The following OGDH variants were observed in gnomAD, a reference collection of about 807,000 sequenced individuals.
The protein encoded by OGDH is oxoglutarate dehydrogenase.
OGDH carries 38 observed loss-of-function variants against 116.6 expected under a neutral mutation model. That is an observed-to-expected ratio of 0.33 (90% CI 0.25 to 0.43). The LOEUF (loss-of-function observed/expected upper bound fraction) is 0.43. Ranked by LOEUF, OGDH falls within the 20% of genes least tolerant of loss-of-function variation. OGDH has a pLI of 1.00. For missense variants in OGDH, 825 were observed against 1,357.2 expected (o/e 0.61, Z 6.16); for synonymous variants, 488 against 533.3 (o/e 0.92, Z 1.17).
At chr7:44,627,550 G>A (rs923105782) in intron 2 of OGDH, among the ~76,000 whole-genome samples, 10 of 152,168 alleles carry the variant, frequency 6.6e-5, no homozygotes, top group African/African-American at 9.7e-5. Context: ...GTCGGATTCC[G>A]TACTTATTTT....
intron 10 of OGDH, among the ~76,000 whole-genome samples, chr7:44,685,144 T>G (rs1182059850): frequency 6.6e-6 from 1 of 152,170 alleles, no homozygotes; most frequent in Non-Finnish European, 1.5e-5. Context: ...TTAACTATTT[T>G]TAAGTGAACA....
At chr7:44,695,953 TG>T (rs1029755765) in intron 12 of OGDH, 71 bp from the exon 13 acceptor site, 16 of 820,816 alleles carry the variant, frequency 1.9e-5, no homozygotes, top group Non-Finnish European at 3.4e-5. Context: ...TCAGAAAGTG[TG>T]GGGGTACAGG....
At chr7:44,610,001 A>G (rs936352829) in intron 1 of OGDH, among the ~76,000 whole-genome samples, 1 of 152,034 alleles carries the variant, frequency 6.6e-6, no homozygotes, top group Admixed American at 6.6e-5. Context: ...TTTTTGGAAG[A>G]GATGGGATCT....
chr7:44,645,590 TG>T, intron 3 of OGDH, 72 bp downstream of exon 3: 1 of 1,425,242 alleles, frequency 7.0e-7, no homozygotes, highest in Non-Finnish European at 9.6e-7. Flanking sequence ...TGGGCCCTAT[TG>T]GCCTTTCTGA....
chr7:44,697,002 G>T lies in OGDH; in HGVS notation c.1989G>T (p.Ser663=), dbSNP rs760543141. The change falls in exon 15 of 23, where the codon TCG becomes TCT. Residue 663 remains serine, a synonymous_variant. Coordinates refer to ENST00000222673, the MANE Select transcript of OGDH (RefSeq NM_002541.4). The surrounding 1 kb of genome is among the most constrained non-coding windows in gnomAD (Gnocchi z 6.0). ...WALAEYMAFG[S]LLKEGIHIRL... Reference sequence around the variant, plus strand: ...TAGCGGAGTACATGGCGTTTGGCTCGCTCCTGAAGGAGGGCATCCACATTC... The same window carrying T: ...TAGCGGAGTACATGGCGTTTGGCTCTCTCCTGAAGGAGGGCATCCACATTC... 6 of 1,614,238 alleles carry T rather than the reference G, an allele frequency of 3.7e-6. No homozygotes were observed. The Admixed American group carries it at 1.0e-4, about 27-fold the overall frequency.
chr7:44,683,544 C>T (rs141080462), intron 10 of OGDH, among the ~76,000 whole-genome samples: 8 of 152,292 alleles, frequency 5.3e-5, no homozygotes, highest in African/African-American at 1.9e-4. Flanking sequence ...ATATTTTCTT[C>T]TGGTTCCACA....
In OGDH at chr7:44,698,185, G is replaced by A. The variant is rs1314051422; in HGVS notation, c.2359-7G>A. 6 of 1,614,204 alleles carry A rather than the reference G, an allele frequency of 3.7e-6. No individual in the cohort carries two copies. The African/African-American group carries it at 4.0e-5, about 11-fold the overall frequency. ...TCTTAAACTGTAACTTGCGTGTGTG[G>A]TTCCAGGGTCCAGAACATTCCTCCG... On this transcript the variant is annotated splice_region_variant and splice_polypyrimidine_tract_variant and intron_variant, in intron 17 of 22. Transcript: ENST00000222673.
intron 18 of OGDH, 150 bp from the exon 19 acceptor site, chr7:44,699,991 C>T (rs1788756883): frequency 1.2e-6 from 1 of 836,338 alleles, no homozygotes; most frequent in Admixed American, 2.3e-5. Context: ...CACCTCCCAC[C>T]AGGCCCCACC....
intron 1 of OGDH, among the ~76,000 whole-genome samples, chr7:44,612,637 C>A (rs986679660): frequency 6.6e-6 from 1 of 152,050 alleles, no homozygotes; most frequent in African/African-American, 2.4e-5. Flanking sequence ...CTCGCCTCGG[C>A]CTCCCAAAGT....
intron 3 of OGDH, among the ~76,000 whole-genome samples, chr7:44,646,199 C>T (rs905384889): frequency 1.3e-5 from 2 of 152,172 alleles, no homozygotes; most frequent in East Asian, 3.8e-4. Context: ...TGTGATAGTT[C>T]TAAGGACGAC....
At chr7:44,666,585 A>G (rs1219300317) in intron 4 of OGDH, 151 bp from the exon 5 acceptor site, 2 of 397,910 alleles carry the variant, frequency 5.0e-6, no homozygotes, top group Admixed American at 4.5e-5. Context: ...AATATTACTT[A>G]TTTCACATAT....
chr7:44,655,583 C>T (rs1427697061), intron 4 of OGDH, among the ~76,000 whole-genome samples: 2 of 152,242 alleles, frequency 1.3e-5, no homozygotes, highest in Non-Finnish European at 2.9e-5. Flanking sequence ...TGCCTACCTT[C>T]CTGACCCCAT....
rs543872440 is a variant in OGDH, at chr7:44,617,800, G to A, written c.-27-6517G>A. Among the ~76,000 whole-genome samples the A allele has an allele frequency of 4.6e-5, 7 of 152,336 alleles. No homozygotes were observed. The South Asian group carries it at 1.2e-3, about 27-fold the overall frequency. The stretch of plus-strand genomic sequence containing the variant: ...TAGGGTTTAAGGATCATGTAATGAT[G>A]TGTGGGTTTTTTTCCCTCAAAGACT... On this transcript the variant is annotated intron_variant, in intron 1 of 22. Coordinates refer to ENST00000222673, the MANE Select transcript of OGDH (RefSeq NM_002541.4).
At chr7:44,610,075 CA>C (rs1309802014) in intron 1 of OGDH, among the ~76,000 whole-genome samples, 1 of 152,060 alleles carries the variant, frequency 6.6e-6, no homozygotes, top group Non-Finnish European at 1.5e-5. Context: ...CTTAGCCTCC[CA>C]AAGGCTAGGA....
At position 44,694,106 on chromosome 7, in the gene OGDH, G is replaced by A; in HGVS notation, c.1515+102G>A. The A allele has an allele frequency of 5.4e-6, 7 of 1,285,062 alleles. No homozygotes were observed. Among genetic ancestry groups the A allele is most frequent in the Non-Finnish European group, 6.4e-6 (6 of 937,612 alleles). The allele number at this position is 1,285,062 out of a possible 1,614,324, so 79.6% of individuals were successfully genotyped here. A position where few individuals can be genotyped will look rare whatever the true frequency, so the allele number is the denominator to read the frequency against. Reference sequence around the variant, plus strand: ...CAAGGAGAGGAGCTTGTCTAGATGAGTCACCTCAGGGCTCTCTACTGCCAG... The same window carrying A: ...CAAGGAGAGGAGCTTGTCTAGATGAATCACCTCAGGGCTCTCTACTGCCAG... On this transcript the variant is annotated intron_variant, in intron 11 of 22. Transcript: ENST00000222673. This position sits in a 1 kb window ranked among gnomAD's most constrained non-coding sequence, Gnocchi z 4.2.
At chr7:44,688,022 C>T (rs964844667) in intron 10 of OGDH, among the ~76,000 whole-genome samples, 4 of 152,016 alleles carry the variant, frequency 2.6e-5, no homozygotes, top group Non-Finnish European at 5.9e-5. Context: ...ACAATATGTG[C>T]CCTATATCAG....
chr7:44,636,688 ATTATGGT>A (rs2115660373), intron 2 of OGDH, among the ~76,000 whole-genome samples: 1 of 152,372 alleles, frequency 6.6e-6, no homozygotes, highest in African/African-American at 2.4e-5. Context: ...AGGAAAGTGC[ATTATGGT>A]TGCATAGAAT....
At chr7:44,620,210 G>A (rs1203089187) in intron 1 of OGDH, among the ~76,000 whole-genome samples, 2 of 152,176 alleles carry the variant, frequency 1.3e-5, no homozygotes, top group Admixed American at 6.5e-5. Context: ...TAGTAGAAAC[G>A]GCGTTTCGCC....
intron 2 of OGDH, among the ~76,000 whole-genome samples, chr7:44,643,174 C>T (rs2115752630): frequency 6.7e-6 from 1 of 149,756 alleles, no homozygotes; most frequent in East Asian, 2.0e-4. Flanking sequence ...TGGGTTCTTG[C>T]TGTATTGCCC....
Sources: allele counts gnomAD v4.1 joint callset (sites outside exome capture counted in the v4.1 genomes callset), GRCh38; gene constraint gnomAD v4.1.1; non-coding constraint Gnocchi (gnomAD v3.1); transcripts MANE v1.5; gene names NCBI Gene and HGNC (gene_info 2026-07-23, HGNC 2026-07-21).